Variants in PCDHGB7 observed in about 807,000 individuals in gnomAD.
PCDHGB7 encodes the protein protocadherin gamma subfamily B, 7.
Under a neutral mutation model 61.4 loss-of-function variants are expected in PCDHGB7, and 37 were observed. The observed-to-expected ratio is 0.60, with a 90% CI of 0.46 to 0.79. PCDHGB7 has a LOEUF of 0.79. PCDHGB7 is among the 30% of genes least tolerant of loss of function. The pLI is 0.00. For missense variants in PCDHGB7, 1,166 were observed against 1,202.5 expected, an observed-to-expected ratio of 0.97 and a Z score of 0.45; for synonymous variants, 464 against 503.5, an observed-to-expected ratio of 0.92 and a Z score of 1.05.
chr5:141,464,707 A>G (rs1052234067), intron 1 of PCDHGB7, among the ~76,000 whole-genome samples: 13 of 152,112 alleles, frequency 8.5e-5, no homozygotes, highest in African/African-American at 3.1e-4. Flanking sequence ...ATGAGGTTAA[A>G]TAGTTTTTCA....
chr5:141,422,569 G>C, intron 1 of PCDHGB7: 2 of 1,613,984 alleles, frequency 1.2e-6, no homozygotes, highest in Non-Finnish European at 1.7e-6. Flanking sequence ...AGATGACAAC[G>C]ATAACCCTCC....
Position 141,418,214 on chromosome 5 carries a change from G to A in PCDHGB7, c.355G>A (p.Val119Ile). ...GGAAAATCCTTTAAATATTTTTCAT[G>A]TCATTGTGGTGATTGAGGATGTTAA... Reference protein sequence around the residue: ...VVENPLNIFHVIVVIEDVNDH... With the variant: ...VVENPLNIFHIIVVIEDVNDH... The change falls in exon 1 of 4, where the codon GTC becomes ATC. Residue 119 changes from valine (V) to isoleucine (I), a missense_variant. Coordinates refer to ENST00000398594, the MANE Select transcript of PCDHGB7 (RefSeq NM_018927.4). 6.2e-7 allele frequency: 1 copy of A among 1,614,064 alleles called. No individual in the cohort carries two copies. The highest frequency in any genetic ancestry group is 8.5e-7 in the Non-Finnish European group (1 of 1,179,898).
chr5:141,487,689 A>G lies in PCDHGB7; in HGVS notation c.2416-7118A>G. 6.2e-7 allele frequency: 1 copy of G among 1,605,144 alleles called. No homozygotes were observed. The highest frequency in any genetic ancestry group is 1.7e-4 in the Middle Eastern group (1 of 6,050). ...GGCATATGGCTAGGCCATGTCCTAG[A>G]GAGTACTGGCCTCTCAGTAAGTGCC... On this transcript the variant is annotated intron_variant, in intron 1 of 3. Coordinates refer to ENST00000398594, the MANE Select transcript of PCDHGB7 (RefSeq NM_018927.4). This position sits in a 1 kb window ranked among gnomAD's most constrained non-coding sequence, Gnocchi z 5.0.
Position 141,419,391 on chromosome 5 carries a change from G to A in PCDHGB7, c.1532G>A (p.Ser511Asn). The change falls in exon 1 of 4, where the codon AGC (serine) becomes AAC (asparagine). Residue 511 changes from serine to asparagine, a missense_variant. Transcript: ENST00000398594. The stretch of plus-strand genomic sequence containing the variant: ...TCCTACGTGTCCGTGAGCGCGCAGA[G>A]CGGGGTGGTGTTCGCGCAGCGCGCC... Reference protein sequence around the residue: ...LSSYVSVSAQSGVVFAQRAFD... With the variant: ...LSSYVSVSAQNGVVFAQRAFD... 6.2e-7 allele frequency: 1 copy of A among 1,613,630 alleles called. No individual in the cohort carries two copies.
At chr5:141,509,536 A>T (rs778275338) in intron 3 of PCDHGB7, among the ~76,000 whole-genome samples, 1 of 152,130 alleles carries the variant, frequency 6.6e-6, no homozygotes, top group Non-Finnish European at 1.5e-5. Context: ...AGGATGAAGC[A>T]CCATCTCATT....
chr5:141,440,008 C>G, intron 1 of PCDHGB7: 1 of 153,238 alleles, frequency 6.5e-6, no homozygotes. Context: ...GAAACCTTGC[C>G]AAGGATCTGG....
intron 1 of PCDHGB7, among the ~76,000 whole-genome samples, chr5:141,462,678 T>G (rs923728894): frequency 1.3e-5 from 2 of 152,210 alleles, no homozygotes; most frequent in South Asian, 4.1e-4. Flanking sequence ...TTCTTTAAAT[T>G]TTTGAGCACA....
chr5:141,428,145 A>G (rs748256830), intron 1 of PCDHGB7: 10 of 1,592,574 alleles, frequency 6.3e-6, no homozygotes, highest in African/African-American at 1.3e-5. Context: ...GGGGCTGCAC[A>G]CGGGAACCTG....
At chr5:141,450,627 C>T (rs947866993) in intron 1 of PCDHGB7, among the ~76,000 whole-genome samples, 13 of 151,592 alleles carry the variant, frequency 8.6e-5, no homozygotes, top group African/African-American at 3.2e-4. Context: ...GCTGGGATTA[C>T]AGATGCCTGC....
In PCDHGB7 at chr5:141,486,959, G is replaced by A. The variant is rs1161675143; in HGVS notation, c.2416-7848G>A. The A allele has an allele frequency of 1.9e-6, 3 of 1,614,098 alleles. No individual in the cohort carries two copies. In the African/African-American group the frequency reaches 4.0e-5, roughly 22 times the overall value. On this transcript the variant is annotated intron_variant, in intron 1 of 3. Transcript: ENST00000398594. The surrounding 1 kb of genome is among the most constrained non-coding windows in gnomAD (Gnocchi z 5.0). ...CCACCTAATCACAAAGGTGACTGCTGTGGACTTGGATTCAGGTTACAATGC... is the reference window on the plus strand; with the variant it reads ...CCACCTAATCACAAAGGTGACTGCTATGGACTTGGATTCAGGTTACAATGC...
chr5:141,497,005 A>T (rs1249733879), intron 2 of PCDHGB7, among the ~76,000 whole-genome samples: 1 of 152,134 alleles, frequency 6.6e-6, no homozygotes, highest in Non-Finnish European at 1.5e-5. Context: ...GGCAGCCAAC[A>T]TGGTGAAACC....
chr5:141,477,506 G>T lies in PCDHGB7; in HGVS notation c.2416-17301G>T, dbSNP rs766083208. 6.2e-7 allele frequency: 1 copy of T among 1,614,028 alleles called. No homozygotes were observed. The highest frequency in any genetic ancestry group is 8.5e-7 in the Non-Finnish European group (1 of 1,180,016). On this transcript the variant is annotated intron_variant, in intron 1 of 3. Coordinates refer to ENST00000398594, the MANE Select transcript of PCDHGB7 (RefSeq NM_018927.4). This position sits in a 1 kb window ranked among gnomAD's most constrained non-coding sequence, Gnocchi z 4.9. ...ACAATCTTCTCAATCTTCCTACGAC[G>T]TTTACATTGAAGAAAACAACCTCCC...
At chr5:141,460,977 G>A in intron 1 of PCDHGB7, among the ~76,000 whole-genome samples, 1 of 131,518 alleles carries the variant, frequency 7.6e-6, no homozygotes, top group African/African-American at 3.4e-5. Context: ...GTGTGTGTGT[G>A]TGTGTGTATA....
In PCDHGB7 at chr5:141,418,940, C is replaced by T. The variant is rs867717378; in HGVS notation, c.1081C>T (p.Pro361Ser). 9 of 1,614,010 alleles carry T rather than the reference C, an allele frequency of 5.6e-6. No homozygotes were observed. The highest frequency in any genetic ancestry group is 7.6e-6 in the Non-Finnish European group (9 of 1,179,876). Residue 361 changes from proline to serine, a missense_variant, in exon 1 of 4, where the codon CCT becomes TCT. Pro to Ser is a moderately conservative substitution (Grantham distance 74, BLOSUM62 -1). Coordinates refer to ENST00000398594, the MANE Select transcript of PCDHGB7 (RefSeq NM_018927.4). ...CTCTGATCAGATTATGGAGGATTCC[C>T]CTCCAGGAGTGGTTGTTGCCCTCTT... Reference protein sequence around the residue: ...SLSDQIMEDSPPGVVVALFKT... With the variant: ...SLSDQIMEDSSPGVVVALFKT...
At chr5:141,478,333 G>C in intron 1 of PCDHGB7, 5 of 1,613,928 alleles carry the variant, frequency 3.1e-6, no homozygotes, top group Non-Finnish European at 4.2e-6. Flanking sequence ...GAACACCAGG[G>C]CCCTCCTTGC....
intron 1 of PCDHGB7, among the ~76,000 whole-genome samples, chr5:141,480,693 G>C (rs1488899685): frequency 2.6e-5 from 4 of 152,096 alleles, no homozygotes; most frequent in Non-Finnish European, 5.9e-5. Context: ...CTGAAACCCA[G>C]GCCACACCCC....
In PCDHGB7 at chr5:141,511,286, G is replaced by A. The variant is rs1231704933; in HGVS notation, c.*113G>A. On this transcript the variant is annotated 3_prime_UTR_variant, in exon 4 of 4. Coordinates refer to ENST00000398594, the MANE Select transcript of PCDHGB7 (RefSeq NM_018927.4). The stretch of plus-strand genomic sequence containing the variant: ...GGCTAACCCCCAGAATACTGGTAGG[G>A]GCCAAGGCCATGCTCCCCTTGGGAA... 2 of 1,520,242 alleles carry A rather than the reference G, an allele frequency of 1.3e-6. No individual in the cohort carries two copies. The allele number at this position is 1,520,242 out of a possible 1,614,324, so 94.2% of individuals were successfully genotyped here.
At chr5:141,473,501 G>A (rs1053399138) in intron 1 of PCDHGB7, among the ~76,000 whole-genome samples, 2 of 152,188 alleles carry the variant, frequency 1.3e-5, no homozygotes, top group South Asian at 4.1e-4. Context: ...GGTGTTCTGA[G>A]AGAGCATAAC....
chr5:141,455,753 G>T (rs2098830630), intron 1 of PCDHGB7, among the ~76,000 whole-genome samples: 1 of 152,074 alleles, frequency 6.6e-6, no homozygotes, highest in Non-Finnish European at 1.5e-5. Flanking sequence ...TGCTGGCCTG[G>T]CTCCTAGAGC....
Sources: gnomAD v4.1 joint callset for allele counts (sites outside exome capture counted in the v4.1 genomes callset) on GRCh38, gnomAD v4.1.1 for gene constraint, Gnocchi (gnomAD v3.1) non-coding constraint, MANE v1.5 for transcripts, NCBI Gene and HGNC (gene_info 2026-07-23, HGNC 2026-07-21) for gene names.